Variants in MYO5B observed in about 807,000 individuals in gnomAD.
MYO5B encodes the protein unconventional myosin-Vb.
In MYO5B, 143 loss-of-function variants were observed where a neutral mutation model predicts 229.3. The ratio of observed to expected loss-of-function variants is 0.62; its 90% CI spans 0.54 to 0.72. The LOEUF (loss-of-function observed/expected upper bound fraction) is 0.72. Ranked by LOEUF, MYO5B falls within the 30% of genes least tolerant of loss-of-function variation. MYO5B has a pLI of 0.00. For missense variants in MYO5B, 2,321 were observed against 2,331.0 expected (o/e 1.00, Z 0.09); for synonymous variants, 918 against 885.2 (o/e 1.04, Z -0.66).
At chr18:49,988,338 CACAA>C in intron 7 of MYO5B, among the ~76,000 whole-genome samples, 1 of 152,172 alleles carries the variant, frequency 6.6e-6, no homozygotes, top group Non-Finnish European at 1.5e-5. Flanking sequence ...GACACCAGAG[CACAA>C]GCGCTTGTCA....
intron 10 of MYO5B, among the ~76,000 whole-genome samples, chr18:49,963,400 T>TTTAATTTAATTAA (rs1555647581): frequency 2.9e-4 from 43 of 147,584 alleles, no homozygotes; most frequent in African/African-American, 1.0e-3. Flanking sequence ...ACTTATTTAA[T>TTTAATTTAATTAA]TTAATTAATT....
At chr18:50,117,067 A>G (rs1363482747) in intron 1 of MYO5B, among the ~76,000 whole-genome samples, 4 of 152,168 alleles carry the variant, frequency 2.6e-5, no homozygotes, top group South Asian at 2.1e-4. Flanking sequence ...CTTTGATAAT[A>G]AGCAATCTCT....
chr18:49,926,392 G>C (rs2025128722), intron 17 of MYO5B, among the ~76,000 whole-genome samples: 1 of 152,210 alleles, frequency 6.6e-6, no homozygotes, highest in African/African-American at 2.4e-5. Flanking sequence ...GAGGAGGGGA[G>C]GCCCATATCA....
At chr18:50,054,382 C>T (rs1240252261) in intron 2 of MYO5B, among the ~76,000 whole-genome samples, 12 of 152,248 alleles carry the variant, frequency 7.9e-5, no homozygotes, top group Non-Finnish European at 7.3e-5. Flanking sequence ...ATACCTCATG[C>T]ACTCACTTCC....
At chr18:49,999,678 TGA>T (rs1228103380) in intron 5 of MYO5B, among the ~76,000 whole-genome samples, 1 of 152,248 alleles carries the variant, frequency 6.6e-6, no homozygotes, top group East Asian at 1.9e-4. Flanking sequence ...CATTTTCCAG[TGA>T]GCCCATCCTA....
Position 49,953,244 on chromosome 18 carries a change from T to A in MYO5B, c.1752+16A>T, listed in dbSNP as rs779783997. On this transcript the variant is annotated intron_variant, in intron 14 of 39. Transcript: ENST00000285039. Reference sequence around the variant, plus strand: ...TGGGCATTCCTGCTCCACTCCCCACTTCTGACACTCTTTACCTTGCTGGCC... The same window carrying A: ...TGGGCATTCCTGCTCCACTCCCCACATCTGACACTCTTTACCTTGCTGGCC... 1 of 1,612,820 alleles carries A rather than the reference T, an allele frequency of 6.2e-7. No individual in the cohort carries two copies. The highest frequency in any genetic ancestry group is 1.7e-5 in the Admixed American group (1 of 60,018).
At chr18:50,006,156 T>C (rs1031454837) in intron 4 of MYO5B, among the ~76,000 whole-genome samples, 1 of 152,146 alleles carries the variant, frequency 6.6e-6, no homozygotes, top group Non-Finnish European at 1.5e-5. Context: ...CTGACTAAAA[T>C]CCTAACAGGA....
At chr18:49,949,622 T>G (rs138469014) in intron 14 of MYO5B, among the ~76,000 whole-genome samples, 105 of 152,312 alleles carry the variant, frequency 6.9e-4, no homozygotes, top group African/African-American at 2.5e-3. Flanking sequence ...GCTTAATTAT[T>G]CATGATGACT....
At chr18:50,113,964 G>C (rs1342807214) in intron 1 of MYO5B, among the ~76,000 whole-genome samples, 1 of 152,118 alleles carries the variant, frequency 6.6e-6, no homozygotes, top group Admixed American at 6.5e-5. Flanking sequence ...TGAACAAATG[G>C]GATCAGATTT....
intron 1 of MYO5B, among the ~76,000 whole-genome samples, chr18:50,078,008 G>A (rs2031129051): frequency 6.6e-6 from 1 of 152,220 alleles, no homozygotes; most frequent in South Asian, 2.1e-4. Context: ...TATTTCCTTG[G>A]AGGCAGGGGA....
chr18:50,102,145 A>T, intron 1 of MYO5B, among the ~76,000 whole-genome samples: 1 of 152,202 alleles, frequency 6.6e-6, no homozygotes, highest in East Asian at 1.9e-4. Flanking sequence ...ACACTAACAC[A>T]GGAGGAGAAA....
chr18:50,177,358 C>G (rs1319168230), intron 1 of MYO5B, among the ~76,000 whole-genome samples: 2 of 152,170 alleles, frequency 1.3e-5, no homozygotes, highest in Non-Finnish European at 2.9e-5. Context: ...AAGGTGGCAG[C>G]TACAATAATC....
intron 4 of MYO5B, among the ~76,000 whole-genome samples, chr18:50,034,660 C>T (rs1386534543): frequency 6.6e-6 from 1 of 152,178 alleles, no homozygotes; most frequent in Admixed American, 6.5e-5. Context: ...AGGAGAATCA[C>T]TTGAACCTGG....
At chr18:50,130,453 G>A (rs2032237336) in intron 1 of MYO5B, among the ~76,000 whole-genome samples, 1 of 152,150 alleles carries the variant, frequency 6.6e-6, no homozygotes, top group Non-Finnish European at 1.5e-5. Flanking sequence ...GTAGCTTCTG[G>A]AGGTTACCCT....
intron 1 of MYO5B, among the ~76,000 whole-genome samples, chr18:50,127,104 G>C (rs193275414): frequency 6.6e-6 from 1 of 152,156 alleles, no homozygotes; most frequent in Non-Finnish European, 1.5e-5. Flanking sequence ...AGTTAACATA[G>C]GCAATTGAGG....
Position 49,906,642 on chromosome 18 carries a change from A to T in MYO5B, c.2203-12T>A. The T allele has an allele frequency of 6.2e-7, 1 of 1,609,596 alleles. No homozygotes were observed. Among genetic ancestry groups the T allele is most frequent in the Non-Finnish European group, 8.5e-7 (1 of 1,176,120 alleles). On this transcript the variant is annotated splice_polypyrimidine_tract_variant and intron_variant, in intron 18 of 39. Transcript: ENST00000285039. ...AACTTGTCGGGGTCCTTTACAAGGT[A>T]GGGAGGGGATCTGGTTGGTCACCAG...
chr18:50,087,858 G>T (rs2031365237), intron 1 of MYO5B, among the ~76,000 whole-genome samples: 1 of 152,118 alleles, frequency 6.6e-6, no homozygotes, highest in Non-Finnish European at 1.5e-5. Flanking sequence ...GAAAGGCCTG[G>T]GGACTCAGCC....
At chr18:50,105,236 T>G (rs959728547) in intron 1 of MYO5B, among the ~76,000 whole-genome samples, 1 of 145,924 alleles carries the variant, frequency 6.9e-6, no homozygotes, top group Non-Finnish European at 1.5e-5. Context: ...AATAAATAAA[T>G]AAATAAATAA....
At chr18:50,103,578 A>G (rs1053297266) in intron 1 of MYO5B, among the ~76,000 whole-genome samples, 1 of 152,194 alleles carries the variant, frequency 6.6e-6, no homozygotes, top group Non-Finnish European at 1.5e-5. Context: ...GTGAGGCCCT[A>G]TATCTAAAAC....
Sources: allele counts gnomAD v4.1 joint callset (sites outside exome capture counted in the v4.1 genomes callset), GRCh38; gene constraint gnomAD v4.1.1; transcripts MANE v1.5; gene names NCBI Gene and HGNC (gene_info 2026-07-23, HGNC 2026-07-21).